Variants in LOC400499 observed in about 807,000 individuals in gnomAD.
the LOC400499 span, among the ~76,000 whole-genome samples, chr16:11,449,507 G>A: frequency 1.3e-5 from 2 of 152,134 alleles, no homozygotes; most frequent in Non-Finnish European, 2.9e-5. Flanking sequence ...GGTGTCATCT[G>A]GCTCGTTTCA....
chr16:11,385,387 C>T, the LOC400499 span: 264 of 1,232,174 alleles, frequency 2.1e-4, no homozygotes, highest in Non-Finnish European at 2.6e-4. Context: ...AAGGTCACCA[C>T]GTGCTGGGCC....
chr16:11,415,740 C>G, the LOC400499 span, among the ~76,000 whole-genome samples: 2 of 152,210 alleles, frequency 1.3e-5, no homozygotes, highest in South Asian at 2.1e-4. Context: ...AGAAGTCACT[C>G]TTGGCTGGGG....
At chr16:11,379,525 C>T in the LOC400499 span, among the ~76,000 whole-genome samples, 524 of 152,316 alleles carry the variant, frequency 3.4e-3, 3 homozygotes, top group African/African-American at 0.012. Flanking sequence ...TCTCAGTCTT[C>T]TGATGGTGGA....
chr16:11,470,541 T>C, the LOC400499 span: 5 of 152,180 alleles, frequency 3.3e-5, no homozygotes, highest in Middle Eastern at 6.3e-3. Flanking sequence ...GGTCTCTTGT[T>C]GGGGAAGTGC....
At chr16:11,409,533 T>C in the LOC400499 span, among the ~76,000 whole-genome samples, 2 of 152,202 alleles carry the variant, frequency 1.3e-5, no homozygotes, top group African/African-American at 4.8e-5. Context: ...CAATAAAAGT[T>C]TGTAGACCTC....
chr16:11,507,802 C>T, the LOC400499 span, among the ~76,000 whole-genome samples: 1 of 152,072 alleles, frequency 6.6e-6, no homozygotes, highest in Non-Finnish European at 1.5e-5. Context: ...GGTGTGGTGG[C>T]ATGCCCCTGC....
At chr16:11,465,888 GAGAAAGGAAA>G in the LOC400499 span, among the ~76,000 whole-genome samples, 1 of 151,566 alleles carries the variant, frequency 6.6e-6, no homozygotes, top group Non-Finnish European at 1.5e-5. Flanking sequence ...AAGACAGGGC[GAGAAAGGAAA>G]GAAAAGGAAG....
At chr16:11,527,093 C>T in the LOC400499 span, among the ~76,000 whole-genome samples, 10 of 152,346 alleles carry the variant, frequency 6.6e-5, no homozygotes, top group Non-Finnish European at 1.2e-4. Context: ...CAGGAACGCG[C>T]AGCAGTTTTA....
chr16:11,501,340 G>A, the LOC400499 span, among the ~76,000 whole-genome samples: 1 of 152,004 alleles, frequency 6.6e-6, no homozygotes, highest in Non-Finnish European at 1.5e-5. Flanking sequence ...CGAATACTCA[G>A]CACAACATCA....
chr16:11,488,498 C>A, the LOC400499 span, among the ~76,000 whole-genome samples: 1 of 152,176 alleles, frequency 6.6e-6, no homozygotes, highest in Admixed American at 6.5e-5. Flanking sequence ...TGACTCACTG[C>A]AGACTTGACC....
At chr16:11,428,453 C>T in the LOC400499 span, among the ~76,000 whole-genome samples, 3 of 152,142 alleles carry the variant, frequency 2.0e-5, no homozygotes, top group Admixed American at 2.0e-4. Context: ...AGATTACAGG[C>T]GTGAGCCACC....
the LOC400499 span, among the ~76,000 whole-genome samples, chr16:11,480,690 C>T: frequency 1.1e-3 from 168 of 152,238 alleles, no homozygotes; most frequent in African/African-American, 1.9e-3. Flanking sequence ...CCTAGGTGTA[C>T]GCCCGACAGG....
At chr16:11,410,872 C>A in the LOC400499 span, among the ~76,000 whole-genome samples, 9 of 152,366 alleles carry the variant, frequency 5.9e-5, no homozygotes, top group Middle Eastern at 0.017. Flanking sequence ...CCCCTCAAGT[C>A]CTGCATGCAG....
the LOC400499 span, among the ~76,000 whole-genome samples, chr16:11,424,963 G>A: frequency 3.9e-5 from 6 of 152,164 alleles, no homozygotes; most frequent in South Asian, 2.1e-4. Flanking sequence ...GCTGAATGAC[G>A]TCCCAGGGAA....
At chr16:11,405,890 C>T in the LOC400499 span, among the ~76,000 whole-genome samples, 1 of 152,158 alleles carries the variant, frequency 6.6e-6, no homozygotes, top group South Asian at 2.1e-4. Flanking sequence ...TGTGATCAGA[C>T]CACCTCCTAC....
At chr16:11,398,874 G>A in the LOC400499 span, among the ~76,000 whole-genome samples, 13 of 151,934 alleles carry the variant, frequency 8.6e-5, no homozygotes, top group African/African-American at 2.2e-4. Flanking sequence ...TTGGCCAGGC[G>A]ATCAGGTGAT....
chr16:11,448,048 G>C, the LOC400499 span: 3 of 1,535,700 alleles, frequency 2.0e-6, no homozygotes, highest in East Asian at 2.4e-5. Context: ...CCGCACAGCC[G>C]TGAGCGACAC....
chr16:11,401,938 T>G, the LOC400499 span: 1 of 398,468 alleles, frequency 2.5e-6, no homozygotes, highest in Middle Eastern at 6.3e-4. Flanking sequence ...TGACCCCAGA[T>G]AAGGCTCCTC....
At chr16:11,378,050 G>A in the LOC400499 span, among the ~76,000 whole-genome samples, 1 of 151,844 alleles carries the variant, frequency 6.6e-6, no homozygotes, top group Non-Finnish European at 1.5e-5. Context: ...CTATCTTTGG[G>A]TTTAGGCTGT....
Sources: gnomAD v4.1 joint callset for allele counts (sites outside exome capture counted in the v4.1 genomes callset) on GRCh38, gnomAD v4.1.1 for gene constraint, MANE v1.5 for transcripts.